Variants in LRRC19 observed in about 807,000 individuals in gnomAD.
LRRC19 encodes the protein leucine-rich repeat-containing protein 19.
LRRC19 carries 33 observed loss-of-function variants against 33.3 expected under a neutral mutation model. The ratio of observed to expected loss-of-function variants is 0.99; its 90% confidence interval spans 0.75 to 1.33. The LOEUF is 1.33. Among genes scored for constraint, LRRC19 ranks in the 40% most tolerant of loss-of-function variants. The probability of loss-of-function intolerance (pLI) is 0.00; values close to 1 mark genes in which losing one functional copy is unlikely to be tolerated. For synonymous variants in LRRC19, 184 were observed against 152.3 expected (o/e 1.21, Z -1.53); for missense variants, 463 against 417.3 (o/e 1.11, Z -0.95).
rs754785181 is a variant in LRRC19 at position 26,998,247 on chromosome 9, AAAAC to A, written c.82-10_82-7del. On this transcript the variant is annotated splice_polypyrimidine_tract_variant and splice_region_variant and intron_variant, in intron 2 of 4. Transcript: ENST00000380055. ...GTAAAATTACATTGGACTTCCTAGA[AAAAC>A]AAAAAAAAGAAAGGCATTAATCAGA... is the stretch of plus-strand genomic sequence containing the variant. The A allele has an allele frequency of 1.4e-6, 2 of 1,408,804 alleles. No homozygotes were observed. Among genetic ancestry groups the A allele is most frequent in the East Asian group, 2.4e-5 (1 of 42,116 alleles). 87.3% of individuals were successfully genotyped at this position (1,408,804 alleles called of 1,614,324 possible).
chr9:27,004,311 T>C (rs781224189), intron 1 of LRRC19, among the ~76,000 whole-genome samples: 6 of 152,228 alleles, frequency 3.9e-5, no homozygotes, highest in Non-Finnish European at 7.3e-5. Context: ...ATTGGATAGA[T>C]CTTGGAAGCA....
intron 1 of LRRC19, 91 bp downstream of exon 1, chr9:27,005,501 A>G (rs1238862475): frequency 6.6e-6 from 1 of 151,952 alleles, no homozygotes; most frequent in Non-Finnish European, 1.5e-5. Context: ...ATCACTTCTT[A>G]AAGGCAAAGA....
At chr9:27,004,577 A>G (rs1436196782) in intron 1 of LRRC19, among the ~76,000 whole-genome samples, 1 of 152,232 alleles carries the variant, frequency 6.6e-6, no homozygotes, top group African/African-American at 2.4e-5. Context: ...AGATACGCAG[A>G]ATAGCTGGCC....
At chr9:26,999,553 C>T (rs1224208132) in intron 2 of LRRC19, 61 bp downstream of exon 2, 3 of 1,255,092 alleles carry the variant, frequency 2.4e-6, no homozygotes, top group Non-Finnish European at 3.4e-6. Context: ...TTATATTTTA[C>T]TAAATATACA....
rs765810314 is a variant in LRRC19 at position 26,998,038 on chromosome 9, G to T, written c.285C>A (p.Asn95Lys). The T allele has an allele frequency of 3.1e-6, 5 of 1,613,572 alleles. No individual in the cohort carries two copies. The African/African-American group carries it at 6.7e-5, about 22-fold the overall frequency. Residue 95 changes from asparagine (N) to lysine (K), a missense_variant, in exon 3 of 5, where the codon AAC becomes AAA. By Grantham distance (94) the Asn-to-Lys change is moderately conservative. Coordinates refer to ENST00000380055, the MANE Select transcript of LRRC19 (RefSeq NM_022901.3). ...VTILHNNGFG[N>K]LSSLEILNIC... ...TATTTAAAATTTCTAGACTGGAGAG[G>T]TTACCAAAACCGTTATTATGTAAGA...
chr9:26,998,273 C>A, intron 2 of LRRC19, 32 bp from the exon 3 acceptor site: 2 of 1,253,026 alleles, frequency 1.6e-6, no homozygotes, highest in Non-Finnish European at 2.1e-6. Context: ...AGGCATTAAT[C>A]AGAAAAAAAA....
chr9:26,996,476 T>C lies in LRRC19; in HGVS notation c.619A>G (p.Ser207Gly). 1 of 1,503,156 alleles carries C rather than the reference T, an allele frequency of 6.7e-7. No individual in the cohort carries two copies. 93.1% of individuals were successfully genotyped at this position (1,503,156 alleles called of 1,614,324 possible). A position where few individuals can be genotyped will look rare whatever the true frequency, so the allele number is the denominator to read the frequency against. ...TLENENITMC[S>G]YPNSLQSYNI... is the part of the protein sequence containing the mutation. ...TAGCTCTGCAGGCTGTTGGGGTAGC[T>C]ACACATGGTGATGTTCTCATTTTCT... Residue 207 changes from serine to glycine, a missense_variant, in exon 4 of 5, where the codon AGC (serine) becomes GGC (glycine). Transcript: ENST00000380055.
At chr9:27,002,375 T>C (rs1828544524) in intron 1 of LRRC19, among the ~76,000 whole-genome samples, 1 of 152,190 alleles carries the variant, frequency 6.6e-6, no homozygotes, top group African/African-American at 2.4e-5. Context: ...GTGGGCTGAG[T>C]CCGAAAAGAG....
intron 3 of LRRC19, 70 bp from the exon 4 acceptor site, chr9:26,996,569 T>C: frequency 9.1e-7 from 1 of 1,104,386 alleles, no homozygotes; most frequent in Non-Finnish European, 1.2e-6. Flanking sequence ...ATAATTGTTT[T>C]ATCTAGAATT....
rs546349071 is a variant in LRRC19, at chr9:26,998,251, CA to C, written c.82-11del. ...AATTACATTGGACTTCCTAGAAAAA[CA>C]AAAAAAAGAAAGGCATTAATCAGAA... On this transcript the variant is annotated splice_polypyrimidine_tract_variant and intron_variant, in intron 2 of 4. Transcript: ENST00000380055. The C allele has an allele frequency of 4.0e-3, 5,460 of 1,363,092 alleles. 24 individuals carry two copies. The highest frequency in any genetic ancestry group is 3.7e-3 in the Non-Finnish European group (3,790 of 1,025,592). 84.4% of individuals were successfully genotyped at this position (1,363,092 alleles called of 1,614,324 possible).
At chr9:26,999,228 A>G (rs1443460884) in intron 2 of LRRC19, among the ~76,000 whole-genome samples, 1 of 152,210 alleles carries the variant, frequency 6.6e-6, no homozygotes, top group African/African-American at 2.4e-5. Context: ...AAGAATAAAT[A>G]GAACTAAGAA....
chr9:26,998,911 T>A (rs1236959040), intron 2 of LRRC19, among the ~76,000 whole-genome samples: 1 of 152,050 alleles, frequency 6.6e-6, no homozygotes, highest in Non-Finnish European at 1.5e-5. Context: ...GGATAATCGC[T>A]TCAACCCAGG....
At chr9:27,000,728 G>A (rs1366114008) in intron 1 of LRRC19, among the ~76,000 whole-genome samples, 1 of 152,146 alleles carries the variant, frequency 6.6e-6, no homozygotes, top group Non-Finnish European at 1.5e-5. Context: ...TGGATGCTGG[G>A]CTTAATACCT....
intron 4 of LRRC19, 26 bp downstream of exon 4, chr9:26,996,285 G>C (rs1209620339): frequency 1.9e-5 from 26 of 1,336,494 alleles, no homozygotes; most frequent in Non-Finnish European, 2.5e-5. Flanking sequence ...ATTCAGCAGT[G>C]TTAATATATA....
At chr9:27,005,207 C>G (rs1230869494) in intron 1 of LRRC19, among the ~76,000 whole-genome samples, 7 of 151,698 alleles carry the variant, frequency 4.6e-5, no homozygotes, top group Non-Finnish European at 1.0e-4. Context: ...AGTTATCAGC[C>G]TGCTTCAATA....
At chr9:26,995,874 G>A in intron 4 of LRRC19, 25 bp from the exon 5 acceptor site, 1 of 1,524,976 alleles carries the variant, frequency 6.6e-7, no homozygotes, top group Non-Finnish European at 8.8e-7. Flanking sequence ...CAAGAGAGGA[G>A]AGAGAAAGAA....
At chr9:26,996,634 C>T (rs1828174430) in intron 3 of LRRC19, 135 bp from the exon 4 acceptor site, 1 of 509,592 alleles carries the variant, frequency 2.0e-6, no homozygotes, top group Non-Finnish European at 3.2e-6. Flanking sequence ...TTGTATTTGT[C>T]TAGCAACATA....
intron 3 of LRRC19, among the ~76,000 whole-genome samples, chr9:26,996,810 G>A (rs1042697625): frequency 6.6e-6 from 1 of 152,044 alleles, no homozygotes; most frequent in South Asian, 2.1e-4. Context: ...GTTAAAATAC[G>A]TCACTTGTTT....
rs750259438 is a variant in LRRC19, at chr9:26,996,442, T to A, written c.653A>T (p.Lys218Ile). 1.9e-6 allele frequency: 3 copies of A among 1,585,132 alleles called. No individual in the cohort carries two copies. The Admixed American group carries it at 5.1e-5, about 27-fold the overall frequency. ...YPNSLQSYNI[K>I]TVPHKAECHS... is the part of the protein sequence containing the mutation. ...GCATTCAGCCTTATGAGGTACTGTT[T>A]TGATATTGTAGCTCTGCAGGCTGTT... The change falls in exon 4 of 5, where the codon AAA becomes ATA. Residue 218 changes from lysine to isoleucine, a missense_variant. Lys to Ile is a moderately radical substitution (Grantham distance 102, BLOSUM62 -3). Coordinates refer to ENST00000380055, the MANE Select transcript of LRRC19 (RefSeq NM_022901.3).
Sources: allele counts gnomAD v4.1 joint callset (sites outside exome capture counted in the v4.1 genomes callset), GRCh38; gene constraint gnomAD v4.1.1; transcripts MANE v1.5; gene names NCBI Gene and HGNC (gene_info 2026-07-23, HGNC 2026-07-21).